MBD1: variants seen among roughly 807,000 people sequenced by gnomAD.
MBD1 encodes the protein methyl-CpG-binding domain protein 1.
Under a neutral mutation model 82.6 loss-of-function variants are expected in MBD1, and 25 were observed. The ratio of observed to expected loss-of-function variants is 0.30; its 90% CI spans 0.22 to 0.42. MBD1 has a LOEUF of 0.42. MBD1 is among the 10% of genes least tolerant of loss of function. The pLI, the probability that MBD1 is intolerant of heterozygous loss-of-function variation, is 1.00. For synonymous variants in MBD1, 301 were observed against 303.7 expected, an observed-to-expected ratio of 0.99 and a Z score of 0.09; for missense variants, 627 against 819.6, an observed-to-expected ratio of 0.76 and a Z score of 2.87.
intron 2 of MBD1, chr18:50,279,624 C>G (rs749677539): frequency 4.4e-6 from 2 of 452,638 alleles, no homozygotes; most frequent in Non-Finnish European, 8.1e-6. Flanking sequence ...TCAGCCTCAG[C>G]TAGAAATACA....
chr18:50,268,090 T>C (rs2034137742), downstream of MBD1, among the ~76,000 whole-genome samples: 1 of 152,250 alleles, frequency 6.6e-6, no homozygotes, highest in South Asian at 2.1e-4. Flanking sequence ...TCGTCTCGGT[T>C]TCCTGGAGTG....
chr18:50,278,552 A>G (rs975794135), intron 2 of MBD1, among the ~76,000 whole-genome samples: 8 of 152,266 alleles, frequency 5.3e-5, no homozygotes, highest in Admixed American at 3.3e-4. Flanking sequence ...TGAATAAATT[A>G]TAACTAAATA....
rs547298984 is a variant in MBD1, at chr18:50,270,716, C to A, written c.*32+753G>T. On this transcript the variant is annotated intron_variant, in intron 16 of 16. Transcript: ENST00000269468. ...AGATGCTCTGACAAGGTGACCCCAT[C>A]TACATTGAGCCTTGGCACTCCCTAA... 8 of 221,614 alleles carry A rather than the reference C, an allele frequency of 3.6e-5. No homozygotes were observed. The South Asian group carries it at 6.4e-4, about 18-fold the overall frequency. The allele number at this position is 221,614 out of a possible 1,614,324, so 13.7% of individuals were successfully genotyped here. A position where few individuals can be genotyped will look rare whatever the true frequency, so the allele number is the denominator to read the frequency against.
Position 50,275,741 on chromosome 18 carries a change from G to A in MBD1, c.664-13C>T, listed in dbSNP as rs1244323560. The A allele has an allele frequency of 3.1e-6, 5 of 1,614,056 alleles. No homozygotes were observed. Among genetic ancestry groups the A allele is most frequent in the African/African-American group, 1.3e-5 (1 of 74,952 alleles). On this transcript the variant is annotated splice_polypyrimidine_tract_variant and intron_variant, in intron 7 of 16. Transcript: ENST00000269468. ...CACACCCTCGGCTCTGTTGGCGGGG[G>A]GCAGGTGGGAGCAGAGGCATGAAGC...
chr18:50,271,060 T>C, intron 16 of MBD1: 2 of 1,020,432 alleles, frequency 2.0e-6, no homozygotes, highest in Non-Finnish European at 1.2e-6. Flanking sequence ...CCTTTCCTTA[T>C]TTATTCAATT....
chr18:50,273,795 A>G lies in MBD1; in HGVS notation c.1215T>C (p.Arg405=). The G allele has an allele frequency of 1.2e-6, 2 of 1,613,944 alleles. No individual in the cohort carries two copies. Among genetic ancestry groups the G allele is most frequent in the South Asian group, 1.1e-5 (1 of 91,090 alleles). The change falls in exon 12 of 17, where the codon CGT becomes CGC. Residue 405 remains arginine, a synonymous_variant. Transcript: ENST00000269468. ...DGAGSPPPYR[R]RKRPSSARRH... ...GTCGGGCAGAGCTGGGCCTCTTTCG[A>G]CGACGGTAAGGTGGGGGCGATCCTG...
At chr18:50,272,612 A>G (rs1599286335) in intron 15 of MBD1, 65 bp downstream of exon 15, 2 of 1,585,584 alleles carry the variant, frequency 1.3e-6, no homozygotes, top group East Asian at 4.5e-5. Context: ...CTATACTTTC[A>G]AAACTCAGGG....
rs750256947 is a variant in MBD1 at position 50,275,733 on chromosome 18, TGGCGGGGGGCA to T, written c.664-16_664-6del. On this transcript the variant is annotated splice_region_variant and splice_polypyrimidine_tract_variant and intron_variant, in intron 7 of 16. Transcript: ENST00000269468. ...GCATACTCCACACCCTCGGCTCTGT[TGGCGGGGGGCA>T]GGTGGGAGCAGAGGCATGAAGCATG... The T allele has an allele frequency of 1.9e-6, 3 of 1,614,164 alleles. No homozygotes were observed. Among genetic ancestry groups the T allele is most frequent in the Non-Finnish European group, 2.5e-6 (3 of 1,180,016 alleles).
In MBD1 at chr18:50,273,544, G is replaced by A. The variant is rs1020571750; in HGVS notation, c.1446+20C>T. On this transcript the variant is annotated intron_variant, in intron 12 of 16. Coordinates refer to ENST00000269468, the MANE Select transcript of MBD1 (RefSeq NM_015846.4). ...GCAGCTGGGTGAGGCTGGGAAGGCAGGACAGGGTGGGGCCCTCACCTGCAA... is the reference window on the plus strand; with the variant it reads ...GCAGCTGGGTGAGGCTGGGAAGGCAAGACAGGGTGGGGCCCTCACCTGCAA... 11 of 1,612,984 alleles carry A rather than the reference G, an allele frequency of 6.8e-6. No individual in the cohort carries two copies. Among genetic ancestry groups the A allele is most frequent in the Non-Finnish European group, 9.3e-6 (11 of 1,180,034 alleles).
chr18:50,275,930 C>A lies in MBD1; in HGVS notation c.568G>T (p.Ala190Ser), dbSNP rs768733963. Reference sequence around the variant, plus strand: ...AGCTGCAGGAGGCAGGTGGAGCAGGCCCCACAGTCTTCTGTTACCTGGCAG... The same window carrying A: ...AGCTGCAGGAGGCAGGTGGAGCAGGACCCACAGTCTTCTGTTACCTGGCAG... ...AACQVTEDCG[A>S]CSTCLLQLPH... Residue 190 changes from alanine (A) to serine (S), a missense_variant, in exon 7 of 17, where the codon GCC becomes TCC. Around this residue, in one of 6 missense-constraint regions of MBD1, gnomAD observed 228 missense variants for 318.1 expected, o/e 0.72. Transcript: ENST00000269468. 4 of 1,613,840 alleles carry A rather than the reference C, an allele frequency of 2.5e-6. No individual in the cohort carries two copies. The highest frequency in any genetic ancestry group is 3.4e-6 in the Non-Finnish European group (4 of 1,180,032).
At chr18:50,279,639 T>C (rs1333068882) in intron 2 of MBD1, 2 of 488,846 alleles carry the variant, frequency 4.1e-6, no homozygotes, top group Non-Finnish European at 7.3e-6. Flanking sequence ...AATACATGCA[T>C]TGAGTGACAG....
chr18:50,274,577 G>A (rs1184260580), intron 10 of MBD1, among the ~76,000 whole-genome samples: 1 of 152,144 alleles, frequency 6.6e-6, no homozygotes, highest in Non-Finnish European at 1.5e-5. Context: ...TTAGGACTGT[G>A]GCTGCTCCAC....
downstream of MBD1, chr18:50,267,188 G>T: frequency 6.0e-6 from 1 of 167,722 alleles, no homozygotes; most frequent in Admixed American, 5.9e-5. Context: ...TGCCCCTCCC[G>T]CCGGCCTCCC....
In MBD1 at chr18:50,273,397, G is replaced by A. The variant is rs765756480; in HGVS notation, c.1521C>T (p.Asp507=). Residue 507 remains aspartate, a synonymous_variant, in exon 13 of 17, where the codon GAC becomes GAT. Transcript: ENST00000269468. The part of the protein sequence containing the change: ...QVKQEKADTQ[D]EWTPGTAVLT... The stretch of plus-strand genomic sequence containing the variant: ...GGACAGCTGTGCCTGGTGTCCACTC[G>A]TCCTGGGTATCCGCCTTCTCTTGCT... 6.8e-6 allele frequency: 11 copies of A among 1,614,076 alleles called. No homozygotes were observed. Among genetic ancestry groups the A allele is most frequent in the Admixed American group, 1.7e-5 (1 of 60,004 alleles).
chr18:50,277,041 G>A (rs201776320), intron 3 of MBD1, 43 bp from the exon 4 acceptor site: 27 of 1,613,680 alleles, frequency 1.7e-5, no homozygotes, highest in Non-Finnish European at 2.3e-5. Context: ...GTGGTTGGGT[G>A]TTGGGTGGCA....
downstream of MBD1, chr18:50,267,397 C>T (rs2034044737): frequency 2.0e-6 from 1 of 508,794 alleles, no homozygotes; most frequent in Non-Finnish European, 3.5e-6. Flanking sequence ...TTGCCATTGG[C>T]AGAAACCAGG....
chr18:50,278,466 GA>G (rs2038936425), intron 2 of MBD1, among the ~76,000 whole-genome samples: 1 of 152,306 alleles, frequency 6.6e-6, no homozygotes, highest in Admixed American at 6.5e-5. Context: ...TCCTAAGAAT[GA>G]AATCTCAGGT....
chr18:50,267,942 T>G (rs1484223168), downstream of MBD1, among the ~76,000 whole-genome samples: 1 of 152,256 alleles, frequency 6.6e-6, no homozygotes, highest in African/African-American at 2.4e-5. Flanking sequence ...CGAAATAATG[T>G]TTTTCTTCTC....
chr18:50,276,912 A>G lies in MBD1; in HGVS notation c.312T>C (p.Ser104=). 1 of 1,613,436 alleles carries G rather than the reference A, an allele frequency of 6.2e-7. No individual in the cohort carries two copies. The highest frequency in any genetic ancestry group is 8.5e-7 in the Non-Finnish European group (1 of 1,179,830). The part of the protein sequence containing the change: ...KTRKRQVGPQ[S]GEVRKEAPRD... ...TCGGGGCCTCCTTCCTGACCTCACC[A>G]CTCTGGGGTCCAACCTGACGTTTCC... Residue 104 remains serine, a synonymous_variant, in exon 4 of 17, where the codon AGT becomes AGC. Transcript: ENST00000269468.
Sources: gnomAD v4.1 joint callset for allele counts (sites outside exome capture counted in the v4.1 genomes callset) on GRCh38, gnomAD v4.1.1 for gene constraint, gnomAD v4.1.1 regional missense constraint, MANE v1.5 for transcripts, NCBI Gene and HGNC (gene_info 2026-07-23, HGNC 2026-07-21) for gene names.